PDE8B: variants seen among roughly 807,000 people sequenced by gnomAD.
PDE8B encodes phosphodiesterase 8B.
PDE8B carries 26 observed loss-of-function variants against 101.3 expected under a neutral mutation model. That is an observed-to-expected ratio of 0.26 (90% confidence interval 0.19 to 0.36). The LOEUF (loss-of-function observed/expected upper bound fraction) is 0.36. PDE8B is among the 10% of genes least tolerant of loss of function. The probability of loss-of-function intolerance (pLI) is 1.00; values close to 1 mark genes in which losing one functional copy is unlikely to be tolerated. For synonymous variants in PDE8B, 424 were observed against 429.3 expected (o/e 0.99, Z 0.15); for missense variants, 810 against 1,163.1 (o/e 0.70, Z 4.42).
intron 10 of PDE8B, among the ~76,000 whole-genome samples, chr5:77,390,536 C>G (rs759564457): frequency 3.3e-5 from 5 of 152,178 alleles, no homozygotes; most frequent in Non-Finnish European, 7.3e-5. Flanking sequence ...TATGCTTTTA[C>G]AAGAGGAGAA....
chr5:77,198,145 T>C, the PDE8B span, among the ~76,000 whole-genome samples: 7 of 152,202 alleles, frequency 4.6e-5, 1 homozygote, highest in South Asian at 1.0e-3. Context: ...GGTTTGTTTT[T>C]GAGCTTTTAA....
At chr5:77,389,866 G>A (rs935568719) in intron 10 of PDE8B, among the ~76,000 whole-genome samples, 1 of 152,160 alleles carries the variant, frequency 6.6e-6, no homozygotes, top group African/African-American at 2.4e-5. Context: ...CTCCAGGGCT[G>A]TTTCCAGCTT....
intron 18 of PDE8B, 93 bp downstream of exon 18, chr5:77,418,539 T>C (rs1796016162): frequency 1.2e-6 from 1 of 859,102 alleles, no homozygotes; most frequent in Non-Finnish European, 1.9e-6. Context: ...GGGAAAATAT[T>C]AGCTGTCCCA....
intron 10 of PDE8B, among the ~76,000 whole-genome samples, chr5:77,386,865 C>CTTTTTTTTTTTTTTTTTTTTT (rs59393259): frequency 2.0e-5 from 1 of 51,080 alleles, no homozygotes; most frequent in Non-Finnish European, 3.3e-5. Flanking sequence ...GATGTAGTTT[C>CTTTTTTTTTTTTTTTTTTTTT]TTTTTTTTTT....
At chr5:77,152,108 C>A in the PDE8B span, 1 of 152,032 alleles carries the variant, frequency 6.6e-6, no homozygotes, top group African/African-American at 2.4e-5. Context: ...GGGGTAGAGC[C>A]CAATGCTGGG....
the PDE8B span, among the ~76,000 whole-genome samples, chr5:77,164,152 A>G: frequency 6.6e-6 from 1 of 152,354 alleles, no homozygotes; most frequent in Non-Finnish European, 1.5e-5. Context: ...AATTGGCATC[A>G]CATGCTTCCT....
intron 10 of PDE8B, among the ~76,000 whole-genome samples, chr5:77,355,451 G>A (rs1370850286): frequency 6.6e-6 from 1 of 152,204 alleles, no homozygotes; most frequent in Non-Finnish European, 1.5e-5. Context: ...TCTGCAGGCG[G>A]TTCCGGTGGT....
chr5:77,308,340 G>A (rs1771736925), intron 1 of PDE8B, among the ~76,000 whole-genome samples: 2 of 152,192 alleles, frequency 1.3e-5, no homozygotes, highest in Non-Finnish European at 2.9e-5. Flanking sequence ...AGGCACCCAC[G>A]CCGGTAGTGC....
chr5:77,396,905 A>G (rs906550525), intron 10 of PDE8B, among the ~76,000 whole-genome samples: 10 of 152,070 alleles, frequency 6.6e-5, no homozygotes, highest in African/African-American at 1.7e-4. Flanking sequence ...TTAATTTAAC[A>G]TAACAGATTT....
the PDE8B span, among the ~76,000 whole-genome samples, chr5:77,192,159 G>A: frequency 1.3e-5 from 2 of 152,176 alleles, no homozygotes; most frequent in African/African-American, 4.8e-5. Flanking sequence ...AACAGGCCAC[G>A]GACTGGTATG....
chr5:77,413,534 G>T (rs1029034807), intron 17 of PDE8B, among the ~76,000 whole-genome samples: 2 of 151,994 alleles, frequency 1.3e-5, no homozygotes, highest in Admixed American at 1.3e-4. Flanking sequence ...TATCACCATA[G>T]AGACTCCTTT....
At chr5:77,367,924 A>G (rs1446510235) in intron 10 of PDE8B, among the ~76,000 whole-genome samples, 2 of 151,986 alleles carry the variant, frequency 1.3e-5, no homozygotes, top group East Asian at 1.9e-4. Context: ...AAAGCCCCCA[A>G]CTTGTTCTCA....
the PDE8B span, among the ~76,000 whole-genome samples, chr5:77,091,850 A>G: frequency 6.6e-6 from 1 of 152,236 alleles, no homozygotes; most frequent in Non-Finnish European, 1.5e-5. Flanking sequence ...AATGAGATAC[A>G]TGATATTTTC....
chr5:77,251,081 T>A (rs1757969844), intron 1 of PDE8B, among the ~76,000 whole-genome samples: 1 of 152,228 alleles, frequency 6.6e-6, no homozygotes, highest in Non-Finnish European at 1.5e-5. Context: ...ACTGTCTGGC[T>A]TTGTATCTCA....
intron 1 of PDE8B, among the ~76,000 whole-genome samples, chr5:77,279,157 G>A (rs1268856395): frequency 2.0e-5 from 3 of 152,310 alleles, no homozygotes; most frequent in African/African-American, 7.2e-5. Flanking sequence ...AGAAAATGGA[G>A]TTTAGATTTA....
chr5:77,227,756 A>C (rs973264646), intron 1 of PDE8B, among the ~76,000 whole-genome samples: 3 of 152,176 alleles, frequency 2.0e-5, no homozygotes, highest in African/African-American at 7.2e-5. Context: ...TTTGGGGCAG[A>C]CTGGTTCAGT....
At chr5:77,098,591 G>A in the PDE8B span, 1 of 152,116 alleles carries the variant, frequency 6.6e-6, no homozygotes, top group African/African-American at 2.4e-5. Context: ...CCACTGTGCT[G>A]GGCCACTTCT....
intron 2 of PDE8B, among the ~76,000 whole-genome samples, chr5:77,317,295 G>A (rs188430629): frequency 6.6e-6 from 1 of 152,120 alleles, no homozygotes; most frequent in East Asian, 1.9e-4. Context: ...CTATTCTGTT[G>A]CTTCACTGCA....
At chr5:77,161,825 T>C in the PDE8B span, among the ~76,000 whole-genome samples, 1 of 152,130 alleles carries the variant, frequency 6.6e-6, no homozygotes, top group East Asian at 1.9e-4. Context: ...GCAGACTTTT[T>C]TTTGGTATTT....
Sources: gnomAD v4.1 joint callset for allele counts (sites outside exome capture counted in the v4.1 genomes callset) on GRCh38, gnomAD v4.1.1 for gene constraint, MANE v1.5 for transcripts, NCBI Gene and HGNC (gene_info 2026-07-23, HGNC 2026-07-21) for gene names.